Variants in JPH2 observed in about 807,000 individuals in gnomAD.
JPH2 encodes the protein junctophilin 2.
In JPH2, 38 loss-of-function variants were observed where a neutral mutation model predicts 55.9. The ratio of observed to expected loss-of-function variants is 0.68; its 90% confidence interval spans 0.52 to 0.89. JPH2 has a LOEUF of 0.89. JPH2 is among the 40% of genes least tolerant of loss of function. The pLI is 0.00. For missense variants in JPH2, 964 were observed against 1,037.6 expected (o/e 0.93, Z 0.97); for synonymous variants, 480 against 472.4 (o/e 1.02, Z -0.21).
chr20:44,121,232 CA>C (rs1392785363), intron 2 of JPH2, among the ~76,000 whole-genome samples: 3 of 152,042 alleles, frequency 2.0e-5, no homozygotes, highest in Non-Finnish European at 4.4e-5. Context: ...GCCAGGTAGA[CA>C]GAAGGGCATG....
rs1216029060 is a variant in JPH2 at position 44,162,761 on chromosome 20, TATATATATATATATATATATATATATAC to T, written c.380-2382_380-2355del. 1.8e-4 allele frequency among the ~76,000 whole-genome samples: 12 copies of T among 67,608 alleles called. No individual in the cohort carries two copies. The South Asian group carries it at 6.0e-3, about 34-fold the overall frequency. The allele number at this position is 67,608 out of a possible 152,430, so 44.4% of individuals were successfully genotyped here. On this transcript the variant is annotated intron_variant, in intron 1 of 5. Transcript: ENST00000372980. Reference sequence around the variant, plus strand: ...ATAAACTTCCATATATATATATATATATATATATATATATATATATATATATACACACACACACACACACACACACACA... The same window carrying T: ...ATAAACTTCCATATATATATATATATACACACACACACACACACACACACA...
chr20:44,116,477 A>AG, intron 3 of JPH2, 91 bp from the exon 4 acceptor site: 1 of 1,428,942 alleles, frequency 7.0e-7, no homozygotes, highest in Non-Finnish European at 9.5e-7. Flanking sequence ...AGCCTCATTC[A>AG]TGGGCTCAGT....
intron 2 of JPH2, among the ~76,000 whole-genome samples, chr20:44,133,635 C>G (rs1218577852): frequency 6.6e-6 from 1 of 151,652 alleles, no homozygotes. Context: ...GTCTATTCCC[C>G]TTCTATGTCA....
At chr20:44,142,567 T>G (rs1409278661) in intron 2 of JPH2, among the ~76,000 whole-genome samples, 1 of 152,194 alleles carries the variant, frequency 6.6e-6, no homozygotes, top group Non-Finnish European at 1.5e-5. Flanking sequence ...GCCAGCTCTT[T>G]CAGCTCCGTG....
intron 1 of JPH2, among the ~76,000 whole-genome samples, chr20:44,164,277 T>C (rs926268022): frequency 3.9e-5 from 6 of 152,188 alleles, no homozygotes; most frequent in African/African-American, 1.4e-4. Context: ...GTGATCCCAT[T>C]GGATGGAGGC....
intron 2 of JPH2, among the ~76,000 whole-genome samples, chr20:44,156,452 G>A (rs1358518411): frequency 1.3e-5 from 2 of 152,152 alleles, no homozygotes; most frequent in Admixed American, 6.5e-5. Flanking sequence ...CATAAGCCTG[G>A]TCCTGCCTGT....
intron 1 of JPH2, among the ~76,000 whole-genome samples, chr20:44,164,549 A>C (rs2145883293): frequency 6.6e-6 from 1 of 152,332 alleles, no homozygotes; most frequent in South Asian, 2.1e-4. Context: ...AAGTGCTAGA[A>C]AAGTGCAAGA....
At chr20:44,118,933 C>G (rs1179506743) in intron 2 of JPH2, among the ~76,000 whole-genome samples, 1 of 152,192 alleles carries the variant, frequency 6.6e-6, no homozygotes, top group Non-Finnish European at 1.5e-5. Context: ...CCCATAAAAA[C>G]TTCTGTGCCC....
intron 1 of JPH2, among the ~76,000 whole-genome samples, chr20:44,178,221 G>T (rs1351086420): frequency 6.6e-6 from 1 of 152,070 alleles, no homozygotes; most frequent in Non-Finnish European, 1.5e-5. Flanking sequence ...AAAACAAAAA[G>T]ATCCACTAGA....
Position 44,177,048 on chromosome 20 carries a change from C to T in JPH2, c.379+9279G>A, listed in dbSNP as rs889008282. The T allele has an allele frequency of 6.1e-6, 6 of 985,324 alleles. No individual in the cohort carries two copies. In the African/African-American group the frequency reaches 1.0e-4, roughly 17 times the overall value. 61.0% of individuals were successfully genotyped at this position (985,324 alleles called of 1,614,324 possible). The stretch of plus-strand genomic sequence containing the variant: ...CTCTGGAGTTCCTAGCACACCTGGG[C>T]TGCTCTGTGGATTCTGCCAGGCACA... On this transcript the variant is annotated intron_variant, in intron 1 of 5. Transcript: ENST00000372980.
rs191508375 is a variant in JPH2, at chr20:44,167,832, G to A, written c.380-7425C>T. Reference sequence around the variant, plus strand: ...ACAACCCTTTGCATTTGACAAGCTAGATGAAGACCATGCATTCTTCTAGCT... The same window carrying A: ...ACAACCCTTTGCATTTGACAAGCTAAATGAAGACCATGCATTCTTCTAGCT... On this transcript the variant is annotated intron_variant, in intron 1 of 5. Transcript: ENST00000372980. Among the ~76,000 whole-genome samples the A allele has an allele frequency of 4.6e-5, 7 of 152,342 alleles. No homozygotes were observed. The East Asian group carries it at 1.2e-3, about 25-fold the overall frequency.
At chr20:44,116,504 C>T in intron 3 of JPH2, 118 bp from the exon 4 acceptor site, 1 of 1,155,160 alleles carries the variant, frequency 8.7e-7, no homozygotes, top group Non-Finnish European at 1.2e-6. Context: ...TCACATAGCA[C>T]TGACCAAGTG....
At position 44,126,139 on chromosome 20, in the gene JPH2, A is replaced by AGAGAGAGAGAGAGGGATGGAGGGAGG; in HGVS notation, c.1170-7517_1170-7516insCCTCCCTCCATCCCTCTCTCTCTCTC. ...AGACCCTATATCAGAAGAAAAAGAGAGAGGGAGGGAGGGAGGGAGGGAGGG... is the reference window on the plus strand; with the variant it reads ...AGACCCTATATCAGAAGAAAAAGAGAGAGAGAGAGAGAGGGATGGAGGGAGGGAGGGAGGGAGGGAGGGAGGGAGGG... On this transcript the variant is annotated intron_variant, in intron 2 of 5. Coordinates refer to ENST00000372980, the MANE Select transcript of JPH2 (RefSeq NM_020433.5). 5.3e-5 allele frequency among the ~76,000 whole-genome samples: 2 copies of AGAGAGAGAGAGAGGGATGGAGGGAGG among 37,592 alleles called. 1 individual carries two copies. Among genetic ancestry groups the AGAGAGAGAGAGAGGGATGGAGGGAGG allele is most frequent in the Non-Finnish European group, 9.8e-5 (2 of 20,318 alleles). The allele number at this position is 37,592 out of a possible 152,430, so 24.7% of individuals were successfully genotyped here.
chr20:44,163,057 A>G (rs1470560769), intron 1 of JPH2, among the ~76,000 whole-genome samples: 1 of 151,814 alleles, frequency 6.6e-6, no homozygotes, highest in Admixed American at 6.6e-5. Context: ...CATAGCACGT[A>G]TCACCTTCTA....
Position 44,109,246 on chromosome 20 carries a change from G to A in JPH2, c.*4272C>T, listed in dbSNP as rs2145833038. 6.6e-6 allele frequency among the ~76,000 whole-genome samples: 1 copy of A among 152,274 alleles called. No individual in the cohort carries two copies. The highest frequency in any genetic ancestry group is 1.9e-4 in the East Asian group (1 of 5,188). The stretch of plus-strand genomic sequence containing the variant: ...CCCCAAGGCTCAATTTTCCTCATCT[G>A]CAAAATGGGTGGACGAATACCTACA... On this transcript the variant is annotated 3_prime_UTR_variant, in exon 6 of 6. Transcript: ENST00000372980.
intron 2 of JPH2, among the ~76,000 whole-genome samples, chr20:44,131,187 G>C (rs1011775683): frequency 1.1e-4 from 16 of 152,196 alleles, no homozygotes; most frequent in African/African-American, 3.9e-4. Flanking sequence ...CGTTTAGACT[G>C]TGACTTCTCT....
At chr20:44,120,783 G>C (rs529720532) in intron 2 of JPH2, among the ~76,000 whole-genome samples, 2 of 152,294 alleles carry the variant, frequency 1.3e-5, no homozygotes, top group East Asian at 3.9e-4. Context: ...TTTTAATAGA[G>C]TTTACGAATT....
intron 1 of JPH2, chr20:44,177,831 T>C: frequency 6.3e-7 from 1 of 1,596,504 alleles, no homozygotes; most frequent in Non-Finnish European, 8.6e-7. Context: ...CAGGCCATCC[T>C]GAATTAATTC....
intron 2 of JPH2, among the ~76,000 whole-genome samples, chr20:44,130,658 C>A (rs546631850): frequency 1.3e-5 from 2 of 152,166 alleles, no homozygotes; most frequent in Admixed American, 6.5e-5. Flanking sequence ...CAAAACCACA[C>A]GGGGAAACTT....
Sources: gnomAD v4.1 joint callset for allele counts (sites outside exome capture counted in the v4.1 genomes callset) on GRCh38, gnomAD v4.1.1 for gene constraint, MANE v1.5 for transcripts, NCBI Gene and HGNC (gene_info 2026-07-23, HGNC 2026-07-21) for gene names.